TRPV1: variants seen among roughly 807,000 people sequenced by gnomAD.
The protein encoded by TRPV1 is OTRPC1.
Under a neutral mutation model 82.3 loss-of-function variants are expected in TRPV1, and 82 were observed. The observed-to-expected ratio is 1.00, with a 90% CI of 0.83 to 1.20. TRPV1 has a LOEUF of 1.20. TRPV1 is among the 50% of genes most tolerant of loss of function. TRPV1 has a pLI of 0.00. For missense variants in TRPV1, 1,067 were observed against 1,096.8 expected (o/e 0.97, Z 0.38); for synonymous variants, 515 against 467.7 (o/e 1.10, Z -1.30).
intron 13 of TRPV1, among the ~76,000 whole-genome samples, chr17:3,576,797 C>G: frequency 7.5e-6 from 1 of 133,448 alleles, no homozygotes. Flanking sequence ...TGCAGTGAGC[C>G]AAGGTCGTGC....
intron 2 of TRPV1, among the ~76,000 whole-genome samples, chr17:3,600,576 G>A (rs1250483553): frequency 2.0e-5 from 3 of 151,660 alleles, no homozygotes; most frequent in Middle Eastern, 3.2e-3. Flanking sequence ...GCTACAGAGC[G>A]AGACTCCATT....
At chr17:3,588,441 T>A in intron 7 of TRPV1, 74 bp from the exon 8 acceptor site, 2 of 1,489,158 alleles carry the variant, frequency 1.3e-6, no homozygotes, top group Non-Finnish European at 1.8e-6. Flanking sequence ...AACAACCAGC[T>A]CTGCTTCCCA....
intron 2 of TRPV1, among the ~76,000 whole-genome samples, chr17:3,601,025 T>TC (rs1353705063): frequency 6.6e-6 from 1 of 150,726 alleles, no homozygotes; most frequent in African/African-American, 2.4e-5. Flanking sequence ...ACAAGCCCCC[T>TC]CCCCCCAGCA....
intron 10 of TRPV1, among the ~76,000 whole-genome samples, chr17:3,582,188 T>C (rs574590947): frequency 1.5e-4 from 2 of 13,390 alleles, no homozygotes; most frequent in South Asian, 2.8e-3. Context: ...AGACTCCATC[T>C]CAAAAAAAAA....
Position 3,566,697 on chromosome 17 carries a change from C to G in TRPV1, c.*118G>C, listed in dbSNP as rs1461531546. On this transcript the variant is annotated 3_prime_UTR_variant, in exon 17 of 17. Transcript: ENST00000572705. ...TGTCCAGCACAGATTTGGGAACATG[C>G]TGGGCAGGCACAGACCAGGCCAGGC... The G allele has an allele frequency of 2.3e-6, 3 of 1,284,150 alleles. No individual in the cohort carries two copies. In the Admixed American group the frequency reaches 7.8e-5, roughly 33 times the overall value. The allele number at this position is 1,284,150 out of a possible 1,614,324, so 79.5% of individuals were successfully genotyped here.
chr17:3,579,980 G>A (rs1033678908), intron 11 of TRPV1, among the ~76,000 whole-genome samples: 7 of 152,044 alleles, frequency 4.6e-5, no homozygotes, highest in African/African-American at 1.7e-4. Flanking sequence ...GCTGCGAGTA[G>A]AGGCCGGTGA....
intron 7 of TRPV1, 40 bp downstream of exon 7, chr17:3,589,767 G>A (rs200351531): frequency 5.3e-5 from 83 of 1,578,438 alleles, no homozygotes; most frequent in Non-Finnish European, 7.0e-5. Flanking sequence ...CATGCCATCA[G>A]CCCCGCACCG....
At chr17:3,582,207 A>AAAAAAAAAAAAAAAAAAAAAAAAC (rs2075029942) in intron 10 of TRPV1, among the ~76,000 whole-genome samples, 1 of 145,960 alleles carries the variant, frequency 6.9e-6, no homozygotes, top group Non-Finnish European at 1.5e-5. Context: ...AAAAAAAAAA[A>AAAAAAAAAAAAAAAAAAAAAAAAC]AAAAAAATCA....
In TRPV1 at chr17:3,590,847, A is replaced by T. The variant is rs936786981; in HGVS notation, c.604+117T>A. The T allele has an allele frequency of 8.8e-6, 12 of 1,356,318 alleles. No individual in the cohort carries two copies. The African/African-American group carries it at 1.0e-4, about 12-fold the overall frequency. 84.0% of individuals were successfully genotyped at this position (1,356,318 alleles called of 1,614,324 possible). ...CCCTAGGATTAGGAGCCACCAACGC[A>T]GTGGCTGGGACAGGGAGTAAGGATC... On this transcript the variant is annotated intron_variant, in intron 5 of 16. Transcript: ENST00000572705.
chr17:3,600,792 C>T (rs773639366), intron 2 of TRPV1, among the ~76,000 whole-genome samples: 1 of 152,128 alleles, frequency 6.6e-6, no homozygotes, highest in Non-Finnish European at 1.5e-5. Context: ...GCCGGGACTC[C>T]CTGGCTGCTC....
At chr17:3,569,460 C>A (rs1292766491) in intron 16 of TRPV1, among the ~76,000 whole-genome samples, 1 of 152,172 alleles carries the variant, frequency 6.6e-6, no homozygotes, top group African/African-American at 2.4e-5. Flanking sequence ...AACTGCAATT[C>A]CCAAGAGAAG....
At chr17:3,605,403 G>T in intron 2 of TRPV1, among the ~76,000 whole-genome samples, 1 of 151,946 alleles carries the variant, frequency 6.6e-6, no homozygotes, top group South Asian at 2.1e-4. Flanking sequence ...CCAGCTACTC[G>T]CGAGGCTGAG....
In TRPV1 at chr17:3,566,992, A is replaced by G. The variant is rs748093132; in HGVS notation, c.2348-5T>C. On this transcript the variant is annotated splice_polypyrimidine_tract_variant and splice_region_variant and intron_variant, in intron 16 of 16. Transcript: ENST00000572705. ...TCTTCCAGTGTCTGCCTGAAACTGA[A>G]GGGTAACACTATTACTACCTTGGAT... The G allele has an allele frequency of 6.2e-7, 1 of 1,613,646 alleles. No individual in the cohort carries two copies. Among genetic ancestry groups the G allele is most frequent in the East Asian group, 2.2e-5 (1 of 44,880 alleles).
chr17:3,591,679 G>A (rs1373544894), intron 3 of TRPV1, among the ~76,000 whole-genome samples: 1 of 152,110 alleles, frequency 6.6e-6, no homozygotes, highest in Non-Finnish European at 1.5e-5. Flanking sequence ...TGGAGGCAGG[G>A]GTGTAGACAG....
chr17:3,605,246 T>C (rs906095896), intron 2 of TRPV1, among the ~76,000 whole-genome samples: 1 of 152,164 alleles, frequency 6.6e-6, no homozygotes, highest in Non-Finnish European at 1.5e-5. Flanking sequence ...TGGTGCCTCA[T>C]GCCTATAATC....
At chr17:3,572,897 C>T (rs224553) in intron 14 of TRPV1, among the ~76,000 whole-genome samples, 40,154 of 148,082 alleles carry the variant, frequency 0.27, 6,077 homozygotes, top group Non-Finnish European at 0.35. Flanking sequence ...GCAGAAGAAC[C>T]GCTTGAAGTC....
At chr17:3,576,668 A>AAAAAAAAAAAAAAAAAATAT in intron 13 of TRPV1, among the ~76,000 whole-genome samples, 6 of 38,414 alleles carry the variant, frequency 1.6e-4, no homozygotes, top group Admixed American at 4.5e-4. Context: ...AAAAAAAAAA[A>AAAAAAAAAAAAAAAAAATAT]ATATATATAT....
At chr17:3,567,269 T>G (rs1171542692) in intron 16 of TRPV1, among the ~76,000 whole-genome samples, 4 of 146,808 alleles carry the variant, frequency 2.7e-5, no homozygotes, top group African/African-American at 1.0e-4. Context: ...CTTGGGAGGC[T>G]GAGGCAGGAG....
At chr17:3,584,505 G>A (rs1186947378) in intron 9 of TRPV1, among the ~76,000 whole-genome samples, 1 of 150,346 alleles carries the variant, frequency 6.7e-6, no homozygotes, top group Non-Finnish European at 1.5e-5. Flanking sequence ...AGTTTTTAAA[G>A]TAAATGTGCA....
Sources: gnomAD v4.1 joint callset for allele counts (sites outside exome capture counted in the v4.1 genomes callset) on GRCh38, gnomAD v4.1.1 for gene constraint, MANE v1.5 for transcripts, NCBI Gene and HGNC (gene_info 2026-07-23, HGNC 2026-07-21) for gene names.